Variants in HNRNPR observed in about 807,000 individuals in gnomAD.
The protein encoded by HNRNPR is heterogeneous nuclear ribonucleoprotein R.
HNRNPR carries 4 observed loss-of-function variants against 70.3 expected under a neutral mutation model. The ratio of observed to expected loss-of-function variants is 0.06; its 90% CI spans 0.03 to 0.13. The LOEUF is 0.13. HNRNPR is among the 10% of genes least tolerant of loss of function. HNRNPR has a pLI of 1.00. For missense variants in HNRNPR, 423 were observed against 788.5 expected (o/e 0.54, Z 5.55); for synonymous variants, 241 against 267.6 (o/e 0.90, Z 0.97).
At chr1:23,321,313 A>G (rs894606678) in intron 7 of HNRNPR, among the ~76,000 whole-genome samples, 5 of 152,212 alleles carry the variant, frequency 3.3e-5, no homozygotes, top group Admixed American at 6.5e-5. Context: ...GCCAAGGTTC[A>G]ATTAAGACAA....
In HNRNPR at chr1:23,310,227, C is replaced by A; in HGVS notation, c.*227G>T. On this transcript the variant is annotated 3_prime_UTR_variant, in exon 11 of 11. Transcript: ENST00000302271. The surrounding 1 kb of genome is among the most constrained non-coding windows in gnomAD (Gnocchi z 6.0). The stretch of plus-strand genomic sequence containing the variant: ...CTGAAACGATAAAAGCATTGTAATC[C>A]CCAGAATAAGGGAACTCTGCAAGCC... 7.6e-6 allele frequency: 3 copies of A among 396,412 alleles called. No homozygotes were observed. Among genetic ancestry groups the A allele is most frequent in the Non-Finnish European group, 8.9e-6 (2 of 223,914 alleles). 24.6% of individuals were successfully genotyped at this position (396,412 alleles called of 1,614,324 possible). A position where few individuals can be genotyped will look rare whatever the true frequency, so the allele number is the denominator to read the frequency against.
In HNRNPR at chr1:23,306,740, G is replaced by C. The variant is rs925065370; in HGVS notation, c.*3714C>G. ...TCAAATTAAATATTATTAAATTGCT[G>C]ACCAATACATTGTATATGCAATATT... is the stretch of plus-strand genomic sequence containing the variant. On this transcript the variant is annotated 3_prime_UTR_variant, in exon 11 of 11. Transcript: ENST00000302271. 6.6e-6 allele frequency: 1 copy of C among 152,086 alleles called. No homozygotes were observed. The highest frequency in any genetic ancestry group is 1.5e-5 in the Non-Finnish European group (1 of 68,016). The allele number at this position is 152,086 out of a possible 1,614,324, so 9.4% of individuals were successfully genotyped here.
In HNRNPR at chr1:23,313,625, T is replaced by C. The variant is rs775020130; in HGVS notation, c.1095A>G (p.Gly365=). The C allele has an allele frequency of 6.2e-6, 10 of 1,604,256 alleles. No homozygotes were observed. The Admixed American group carries it at 1.4e-4, about 22-fold the overall frequency. ...EILEKSFSEF[G]KLERVKKLKD... is the part of the protein sequence containing the mutation. Reference sequence around the variant, plus strand: ...TCAACTTCTTTACTCTTTCGAGTTTTCCAAATTCAGAAAATGACTTTTCCA... The same window carrying C: ...TCAACTTCTTTACTCTTTCGAGTTTCCCAAATTCAGAAAATGACTTTTCCA... Residue 365 remains glycine, a synonymous_variant, in exon 9 of 11, where the codon GGA becomes GGG. Transcript: ENST00000302271.
rs758883002 is a variant in HNRNPR at position 23,338,642 on chromosome 1, C to A, written c.158-34G>T. On this transcript the variant is annotated intron_variant, in intron 2 of 10. Transcript: ENST00000302271. ...TAAATTGAAAGGGGTAACGTTATTG[C>A]AACAAAAGGGGTAATCTAAGCTCTA... 1.4e-5 allele frequency: 15 copies of A among 1,035,608 alleles called. No individual in the cohort carries two copies. The South Asian group carries it at 1.6e-4, about 11-fold the overall frequency. The allele number at this position is 1,035,608 out of a possible 1,614,324, so 64.2% of individuals were successfully genotyped here. A position where few individuals can be genotyped will look rare whatever the true frequency, so the allele number is the denominator to read the frequency against.
chr1:23,323,827 G>A lies in HNRNPR; in HGVS notation c.499-95C>T, dbSNP rs115501552. 7.2e-4 allele frequency: 678 copies of A among 939,572 alleles called. 10 individuals are homozygous for A. The African/African-American group carries it at 9.6e-3, about 13-fold the overall frequency. 58.2% of individuals were successfully genotyped at this position (939,572 alleles called of 1,614,324 possible). A position where few individuals can be genotyped will look rare whatever the true frequency, so the allele number is the denominator to read the frequency against. On this transcript the variant is annotated intron_variant, in intron 5 of 10. Transcript: ENST00000302271. ...TTTTTTTTTAAAGATGGGGGCAGAA[G>A]AAGATGGTTAAGAAAGAATGGAAAC...
chr1:23,326,332 G>T lies in HNRNPR; in HGVS notation c.499-2600C>A, dbSNP rs192986395. The stretch of plus-strand genomic sequence containing the variant: ...AGGGATACAAGATACTGTTATATGT[G>T]ATTTAAGTGATGTCCCTGCAGAACA... On this transcript the variant is annotated intron_variant, in intron 5 of 10. Transcript: ENST00000302271. 1.6e-3 allele frequency among the ~76,000 whole-genome samples: 238 copies of T among 152,246 alleles called. 1 individual carries two copies. The highest frequency in any genetic ancestry group is 5.6e-3 in the African/African-American group (232 of 41,524).
rs749881048 is a variant in HNRNPR, at chr1:23,307,907, CTAATT to C, written c.*2542_*2546del. ...AATTCCTTACACTCATAATTTGTAC[CTAATT>C]TAAAAAAAAAAAAATGCCAATCTAG... On this transcript the variant is annotated 3_prime_UTR_variant, in exon 11 of 11. Coordinates refer to ENST00000302271, the MANE Select transcript of HNRNPR (RefSeq NM_005826.5). 13 of 145,538 alleles carry C rather than the reference CTAATT, an allele frequency of 8.9e-5. No individual in the cohort carries two copies. In the East Asian group the frequency reaches 1.4e-3, roughly 15 times the overall value. 9.0% of individuals were successfully genotyped at this position (145,538 alleles called of 1,614,324 possible).
At chr1:23,322,862 G>T (rs1645812106) in intron 6 of HNRNPR, among the ~76,000 whole-genome samples, 1 of 152,192 alleles carries the variant, frequency 6.6e-6, no homozygotes, top group Non-Finnish European at 1.5e-5. Context: ...TGAGATAGCT[G>T]TGTCTTAAAT....
At chr1:23,333,119 T>C (rs1197724089) in intron 5 of HNRNPR, among the ~76,000 whole-genome samples, 2 of 152,110 alleles carry the variant, frequency 1.3e-5, no homozygotes, top group African/African-American at 2.4e-5. Context: ...GAGGCCGAGG[T>C]TGCAGTTTGC....
chr1:23,308,912 T>A lies in HNRNPR; in HGVS notation c.*1542A>T, dbSNP rs1645246542. 6.6e-6 allele frequency: 1 copy of A among 152,092 alleles called. No individual in the cohort carries two copies. The highest frequency in any genetic ancestry group is 2.4e-5 in the African/African-American group (1 of 41,446). 9.4% of individuals were successfully genotyped at this position (152,092 alleles called of 1,614,324 possible). Reference sequence around the variant, plus strand: ...AATTATTCCCCAATGGCTTCTGATATTTTTATCATTATAAAAACATTTGAG... The same window carrying A: ...AATTATTCCCCAATGGCTTCTGATAATTTTATCATTATAAAAACATTTGAG... On this transcript the variant is annotated 3_prime_UTR_variant, in exon 11 of 11. Coordinates refer to ENST00000302271, the MANE Select transcript of HNRNPR (RefSeq NM_005826.5).
intron 4 of HNRNPR, among the ~76,000 whole-genome samples, chr1:23,337,000 C>A (rs561734839): frequency 6.6e-6 from 1 of 152,144 alleles, no homozygotes; most frequent in Non-Finnish European, 1.5e-5. Flanking sequence ...TTACTCCTTA[C>A]AATAACTCTG....
Position 23,310,999 on chromosome 1 carries a change from C to A in HNRNPR, c.1357G>T (p.Gly453Trp), listed in dbSNP as rs748400587. The A allele has an allele frequency of 3.1e-6, 5 of 1,614,194 alleles. No individual in the cohort carries two copies. The highest frequency in any genetic ancestry group is 1.7e-5 in the Admixed American group (1 of 60,032). The stretch of plus-strand genomic sequence containing the variant: ...GGGTAGCCATATCCACCTCTCCCCC[C>A]ACCACGACCCCGACCTCTAATTGGA... ...PPPIRGRGRG[G>W]GRGGYGYPPD... The change falls in exon 11 of 11, where the codon GGG becomes TGG. Residue 453 changes from glycine (G) to tryptophan (W), a missense_variant. This residue lies in a region of HNRNPR where 169 missense variants were observed against 195.6 expected (regional missense o/e 0.86). Coordinates refer to ENST00000302271, the MANE Select transcript of HNRNPR (RefSeq NM_005826.5). This position sits in a 1 kb window ranked among gnomAD's most constrained non-coding sequence, Gnocchi z 6.0.
intron 7 of HNRNPR, among the ~76,000 whole-genome samples, chr1:23,320,842 C>G (rs1191914656): frequency 6.6e-6 from 1 of 152,098 alleles, no homozygotes. Context: ...ACTTCTCAAT[C>G]AATTCCATGG....
rs1202403319 is a variant in HNRNPR at position 23,307,574 on chromosome 1, C to T, written c.*2880G>A. ...ATAACTCATTTTCCTTATCTTTTCA[C>T]CAAATAAACCTGCATTTATTAGAAA... On this transcript the variant is annotated 3_prime_UTR_variant, in exon 11 of 11. Transcript: ENST00000302271. 1 of 152,022 alleles carries T rather than the reference C, an allele frequency of 6.6e-6. No homozygotes were observed. The highest frequency in any genetic ancestry group is 2.1e-4 in the South Asian group (1 of 4,832). 9.4% of individuals were successfully genotyped at this position (152,022 alleles called of 1,614,324 possible).
At position 23,305,592 on chromosome 1, in the gene HNRNPR, T is replaced by A. The variant is rs1461388200; in HGVS notation, c.*4862A>T. On this transcript the variant is annotated 3_prime_UTR_variant, in exon 11 of 11. Coordinates refer to ENST00000302271, the MANE Select transcript of HNRNPR (RefSeq NM_005826.5). ...TATACCATATTACAATTATTTTTTA[T>A]ATGGTATGGTCAGAAATGCCTAGTT... 6.6e-6 allele frequency: 1 copy of A among 152,208 alleles called. No individual in the cohort carries two copies. The highest frequency in any genetic ancestry group is 1.5e-5 in the Non-Finnish European group (1 of 68,008). The allele number at this position is 152,208 out of a possible 1,614,324, so 9.4% of individuals were successfully genotyped here. A position where few individuals can be genotyped will look rare whatever the true frequency, so the allele number is the denominator to read the frequency against.
At chr1:23,324,163 A>G (rs926636497) in intron 5 of HNRNPR, among the ~76,000 whole-genome samples, 2 of 151,674 alleles carry the variant, frequency 1.3e-5, no homozygotes, top group Non-Finnish European at 2.9e-5. Flanking sequence ...TTAAAATTAA[A>G]AAATTAATTT....
chr1:23,325,438 C>T (rs1267830283), intron 5 of HNRNPR, among the ~76,000 whole-genome samples: 1 of 152,186 alleles, frequency 6.6e-6, no homozygotes, highest in Non-Finnish European at 1.5e-5. Context: ...TCTGGTAAAA[C>T]TTGAGGTATT....
intron 4 of HNRNPR, among the ~76,000 whole-genome samples, chr1:23,336,134 T>G (rs1330707285): frequency 1.5e-4 from 8 of 54,934 alleles, no homozygotes; most frequent in East Asian, 4.9e-4. Context: ...AAAAAAAAAG[T>G]CTATCACAGG....
Position 23,305,429 on chromosome 1 carries a change from G to A in HNRNPR, c.*5025C>T, listed in dbSNP as rs917228597. The A allele has an allele frequency of 2.0e-5, 3 of 152,128 alleles. No homozygotes were observed. The highest frequency in any genetic ancestry group is 7.2e-5 in the African/African-American group (3 of 41,442). 9.4% of individuals were successfully genotyped at this position (152,128 alleles called of 1,614,324 possible). A position where few individuals can be genotyped will look rare whatever the true frequency, so the allele number is the denominator to read the frequency against. On this transcript the variant is annotated 3_prime_UTR_variant, in exon 11 of 11. Transcript: ENST00000302271. ...CTTACAAGTAAGGGTTTATATTCAT[G>A]ACACTGACTAGCACATTTAACATCT...
Sources: allele counts gnomAD v4.1 joint callset (sites outside exome capture counted in the v4.1 genomes callset), GRCh38; gene constraint gnomAD v4.1.1; regional missense constraint gnomAD v4.1.1; non-coding constraint Gnocchi (gnomAD v3.1); transcripts MANE v1.5; gene names NCBI Gene and HGNC (gene_info 2026-07-23, HGNC 2026-07-21).